SYT14: variants seen among roughly 807,000 people sequenced by gnomAD.
The protein encoded by SYT14 is synaptotagmin-14.
SYT14 carries 32 observed loss-of-function variants against 74.2 expected under a neutral mutation model. That is an observed-to-expected ratio of 0.43 (90% CI 0.33 to 0.58). The LOEUF (loss-of-function observed/expected upper bound fraction) is 0.58, where lower values mean the gene tolerates loss of function less well. Among genes scored for constraint, SYT14 ranks in the 20% least tolerant of loss-of-function variants. The pLI is 0.05. For synonymous variants in SYT14, 298 were observed against 337.7 expected (o/e 0.88, Z 1.29); for missense variants, 791 against 981.8 (o/e 0.81, Z 2.60).
At chr1:210,063,449 A>G (rs1158971954) in intron 5 of SYT14, among the ~76,000 whole-genome samples, 1 of 151,794 alleles carries the variant, frequency 6.6e-6, no homozygotes, top group South Asian at 2.1e-4. Context: ...ATGCTGTAAC[A>G]TCATATTCCT....
intron 5 of SYT14, among the ~76,000 whole-genome samples, chr1:210,057,204 A>G (rs534135370): frequency 1.1e-4 from 17 of 152,230 alleles, no homozygotes; most frequent in Non-Finnish European, 2.4e-4. Context: ...ATGAGGTAGT[A>G]TAAATATCTA....
intron 5 of SYT14, among the ~76,000 whole-genome samples, chr1:210,048,827 A>C (rs988308878): frequency 2.6e-5 from 4 of 152,246 alleles, no homozygotes; most frequent in African/African-American, 9.6e-5. Context: ...CAGTAAAATC[A>C]AAAGCAAGTT....
At chr1:209,977,519 T>G (rs2079390269) in intron 2 of SYT14, among the ~76,000 whole-genome samples, 1 of 152,216 alleles carries the variant, frequency 6.6e-6, no homozygotes, top group South Asian at 2.1e-4. Flanking sequence ...TCTTTAAGAA[T>G]GTTGAATATT....
chr1:210,130,772 T>C (rs2082657357), intron 7 of SYT14, among the ~76,000 whole-genome samples: 1 of 152,236 alleles, frequency 6.6e-6, no homozygotes, highest in Admixed American at 6.5e-5. Context: ...TTTAATACTC[T>C]ATGAGGATAT....
chr1:210,155,990 A>T, intron 8 of SYT14, 80 bp downstream of exon 7: 4 of 1,245,958 alleles, frequency 3.2e-6, no homozygotes, highest in Non-Finnish European at 4.6e-6. Flanking sequence ...CAATCCTATC[A>T]TTTAGTCTTA....
chr1:210,060,683 A>G (rs192431705), intron 5 of SYT14, among the ~76,000 whole-genome samples: 204 of 152,216 alleles, frequency 1.3e-3, no homozygotes, highest in Non-Finnish European at 2.5e-3. Flanking sequence ...GAAAAAATAT[A>G]TATATTCAAT....
intron 1 of SYT14, among the ~76,000 whole-genome samples, chr1:209,945,904 T>G (rs912235940): frequency 3.3e-5 from 5 of 152,230 alleles, no homozygotes; most frequent in South Asian, 2.1e-4. Flanking sequence ...GTTGAATGAA[T>G]CTATTGGCAC....
chr1:209,943,508 C>CAAAAAAAAAA, intron 1 of SYT14, among the ~76,000 whole-genome samples: 1 of 59,308 alleles, frequency 1.7e-5, no homozygotes, highest in Non-Finnish European at 2.9e-5. Flanking sequence ...GATTCAATCT[C>CAAAAAAAAAA]AAAAAAAAAA....
intron 2 of SYT14, among the ~76,000 whole-genome samples, chr1:209,955,264 G>A (rs185553849): frequency 6.6e-6 from 1 of 152,198 alleles, no homozygotes; most frequent in African/African-American, 2.4e-5. Context: ...CTGGATGTCT[G>A]TTACAATAAC....
chr1:209,989,256 A>G (rs1373978219), intron 2 of SYT14, among the ~76,000 whole-genome samples: 17 of 152,234 alleles, frequency 1.1e-4, no homozygotes, highest in Admixed American at 6.5e-4. Flanking sequence ...TAAATAGACT[A>G]TATAAAAATC....
intron 2 of SYT14, among the ~76,000 whole-genome samples, chr1:209,991,675 C>G (rs2079689024): frequency 6.6e-6 from 1 of 151,928 alleles, no homozygotes; most frequent in African/African-American, 2.4e-5. Flanking sequence ...ACTGAAAATA[C>G]AGAAATTAGC....
At chr1:209,960,058 A>G (rs2102708284) in intron 2 of SYT14, among the ~76,000 whole-genome samples, 1 of 152,232 alleles carries the variant, frequency 6.6e-6, no homozygotes, top group East Asian at 1.9e-4. Flanking sequence ...GTCTTTATGA[A>G]CCTAAATTAA....
In SYT14 at chr1:210,150,328, G is replaced by C. The variant is rs76142040; in HGVS notation, c.2035-5393G>C. Among the ~76,000 whole-genome samples the C allele has an allele frequency of 8.6e-3, 1,317 of 152,294 alleles. 7 individuals are homozygous for C. Among genetic ancestry groups the C allele is most frequent in the Non-Finnish European group, 0.013 (874 of 68,030 alleles). On this transcript the variant is annotated intron_variant, in intron 7 of 9. Coordinates refer to ENST00000637265, the Ensembl canonical transcript of SYT14. ...TACAAAGCCACTGCTCACTCCAGTA[G>C]GCTGTCCCTTTGATACACTCGGTAT...
intron 5 of SYT14, among the ~76,000 whole-genome samples, chr1:210,053,308 A>G (rs2081037754): frequency 6.6e-6 from 1 of 152,208 alleles, no homozygotes; most frequent in South Asian, 2.1e-4. Context: ...CTTTCTGCCA[A>G]GTTGAGAAGC....
intron 5 of SYT14, among the ~76,000 whole-genome samples, chr1:210,037,529 G>GTTTTTTTTTTTTTTTT (rs59923020): frequency 1.5e-5 from 2 of 137,836 alleles, no homozygotes; most frequent in Non-Finnish European, 1.6e-5. Flanking sequence ...TGATTTTTCT[G>GTTTTTTTTTTTTTTTT]TTTTTTTTTT....
In SYT14 at chr1:210,009,444, G is replaced by T. The variant is rs140149723; in HGVS notation, c.-485-4189G>T. Among the ~76,000 whole-genome samples the T allele has an allele frequency of 2.4e-3, 357 of 151,882 alleles. 1 individual carries two copies. The highest frequency in any genetic ancestry group is 8.2e-3 in the African/African-American group (339 of 41,426). On this transcript the variant is annotated intron_variant, in intron 2 of 9. Transcript: ENST00000637265. ...TGTGAAAAACAGGCATTCAGTCAGG[G>T]TATTGTGTGAACAGTATGTTTACAG...
At chr1:209,961,042 A>G (rs2079068147) in intron 2 of SYT14, among the ~76,000 whole-genome samples, 1 of 152,116 alleles carries the variant, frequency 6.6e-6, no homozygotes, top group Non-Finnish European at 1.5e-5. Flanking sequence ...ATGTCACTTT[A>G]TGGACAAATG....
intron 2 of SYT14, among the ~76,000 whole-genome samples, chr1:209,983,952 G>T (rs1251113032): frequency 1.3e-5 from 2 of 152,130 alleles, no homozygotes; most frequent in Admixed American, 1.3e-4. Flanking sequence ...CTTGTATATA[G>T]TCAGAGATGT....
intron 5 of SYT14, among the ~76,000 whole-genome samples, chr1:210,079,252 G>A (rs980166018): frequency 6.6e-6 from 1 of 151,480 alleles, no homozygotes; most frequent in African/African-American, 2.4e-5. Flanking sequence ...CTATATAATA[G>A]GGTACTATGT....
Sources: allele counts gnomAD v4.1 joint callset (sites outside exome capture counted in the v4.1 genomes callset), GRCh38; gene constraint gnomAD v4.1.1; transcripts MANE v1.5; gene names NCBI Gene and HGNC (gene_info 2026-07-23, HGNC 2026-07-21).